FOXP1: variants seen among roughly 807,000 people sequenced by gnomAD.
FOXP1 encodes the protein forkhead box P1, also known as forkhead box protein P1.
In FOXP1, 15 loss-of-function variants were observed where a neutral mutation model predicts 98.2. That is an observed-to-expected ratio of 0.15 (90% confidence interval 0.10 to 0.24). The LOEUF (loss-of-function observed/expected upper bound fraction) is 0.24, where lower values mean the gene tolerates loss of function less well. Ranked by LOEUF, FOXP1 falls within the 10% of genes least tolerant of loss-of-function variation. FOXP1 has a pLI of 1.00. For missense variants in FOXP1, 633 were observed against 848.5 expected (o/e 0.75, Z 3.15); for synonymous variants, 371 against 314.5 (o/e 1.18, Z -1.90).
At chr3:71,087,731 C>T (rs1385049753) in intron 7 of FOXP1, among the ~76,000 whole-genome samples, 4 of 151,942 alleles carry the variant, frequency 2.6e-5, no homozygotes, top group Non-Finnish European at 4.4e-5. Context: ...TTTTATGACA[C>T]CTTATATGGG....
intron 2 of FOXP1, among the ~76,000 whole-genome samples, chr3:71,576,021 TA>T (rs1229619057): frequency 6.6e-6 from 1 of 152,216 alleles, no homozygotes; most frequent in East Asian, 1.9e-4. Context: ...TGTCCAAACA[TA>T]AAACTCAGAG....
intron 3 of FOXP1, among the ~76,000 whole-genome samples, chr3:71,414,603 A>C (rs1432314719): frequency 3.9e-5 from 6 of 152,232 alleles, no homozygotes; most frequent in African/African-American, 1.4e-4. Flanking sequence ...GCTCCAAGGG[A>C]TATTCTAACA....
chr3:71,357,167 C>T (rs912452726), intron 4 of FOXP1, among the ~76,000 whole-genome samples: 6 of 152,272 alleles, frequency 3.9e-5, no homozygotes, highest in East Asian at 1.9e-4. Flanking sequence ...GGTGTGAGTG[C>T]GTGCCACTAA....
At chr3:71,277,686 C>T (rs961856111) in intron 5 of FOXP1, among the ~76,000 whole-genome samples, 1 of 151,966 alleles carries the variant, frequency 6.6e-6, no homozygotes, top group African/African-American at 2.4e-5. Context: ...GTTGCTGCTT[C>T]GACATTGAAT....
intron 3 of FOXP1, among the ~76,000 whole-genome samples, chr3:71,363,060 T>C (rs1266070054): frequency 6.6e-6 from 1 of 152,184 alleles, no homozygotes; most frequent in Non-Finnish European, 1.5e-5. Flanking sequence ...TGATAAATTT[T>C]GTCCTTCATT....
chr3:71,367,961 C>T (rs1229661226), intron 3 of FOXP1, among the ~76,000 whole-genome samples: 1 of 152,030 alleles, frequency 6.6e-6, no homozygotes, highest in African/African-American at 2.4e-5. Context: ...CCTGTGAGAG[C>T]CAATCTGTTT....
chr3:71,439,464 T>C (rs1405588073), intron 3 of FOXP1, among the ~76,000 whole-genome samples: 1 of 152,158 alleles, frequency 6.6e-6, no homozygotes, highest in Non-Finnish European at 1.5e-5. Flanking sequence ...TACCACATGA[T>C]CCAGCATTTC....
At chr3:71,051,360 C>A (rs1336742487) in intron 9 of FOXP1, among the ~76,000 whole-genome samples, 4 of 152,178 alleles carry the variant, frequency 2.6e-5, no homozygotes, top group African/African-American at 9.7e-5. Context: ...TCCGGCTGCT[C>A]AACAGGACTC....
chr3:70,972,530 A>G, intron 18 of FOXP1, 25 bp downstream of exon 18: 1 of 1,614,190 alleles, frequency 6.2e-7, no homozygotes. Flanking sequence ...AGCTAGGCTA[A>G]GAAGTTCAAA....
intron 7 of FOXP1, among the ~76,000 whole-genome samples, chr3:71,093,196 G>C (rs2107615444): frequency 6.6e-6 from 1 of 151,018 alleles, no homozygotes; most frequent in East Asian, 2.0e-4. Flanking sequence ...AGAGGGTGCA[G>C]TGAGCCAAGA....
At chr3:71,057,034 G>A (rs960966912) in intron 7 of FOXP1, among the ~76,000 whole-genome samples, 1 of 152,128 alleles carries the variant, frequency 6.6e-6, no homozygotes, top group Non-Finnish European at 1.5e-5. Flanking sequence ...AAGAGTGATT[G>A]TAGCAGTCTT....
intron 7 of FOXP1, among the ~76,000 whole-genome samples, chr3:71,102,775 G>A (rs903410389): frequency 6.6e-6 from 1 of 152,154 alleles, no homozygotes; most frequent in Non-Finnish European, 1.5e-5. Flanking sequence ...TTCCCTGTTT[G>A]CGGGGCCCAG....
In FOXP1 at chr3:71,166,725, A is replaced by G. The variant is rs374717630; in HGVS notation, c.180+31477T>C. 3.3e-5 allele frequency among the ~76,000 whole-genome samples: 5 copies of G among 152,332 alleles called. 1 individual carries two copies. The highest frequency in any genetic ancestry group is 6.5e-5 in the Admixed American group (1 of 15,296). On this transcript the variant is annotated intron_variant, in intron 6 of 20. Transcript: ENST00000649528. ...GACTGCTGCAAAATAAACTACTTTT[A>G]CAACCAGAAAGCATTCTAAACACAC...
In FOXP1 at chr3:71,438,431, T is replaced by G. The variant is rs9837708; in HGVS notation, c.-168+54995A>C. Among the ~76,000 whole-genome samples, 6 of 152,210 alleles carry G rather than the reference T, an allele frequency of 3.9e-5. No individual in the cohort carries two copies. The East Asian group carries it at 1.2e-3, about 29-fold the overall frequency. ...AAGAGTAACCTGCTGTGGCATGAGT[T>G]CCTGTGCATTCCATTATCTCGGCTG... On this transcript the variant is annotated intron_variant, in intron 3 of 20. Coordinates refer to ENST00000649528, the MANE Select transcript of FOXP1 (RefSeq NM_001349338.3).
At chr3:71,325,693 G>C (rs902656665) in intron 4 of FOXP1, among the ~76,000 whole-genome samples, 1 of 151,604 alleles carries the variant, frequency 6.6e-6, no homozygotes, top group Non-Finnish European at 1.5e-5. Flanking sequence ...CACTATTTTA[G>C]AGGTGGGTCT....
chr3:71,526,742 C>A (rs988066965), intron 2 of FOXP1, among the ~76,000 whole-genome samples: 14 of 152,062 alleles, frequency 9.2e-5, no homozygotes, highest in Admixed American at 8.5e-4. Flanking sequence ...CCGAGGTGGG[C>A]GGATCACCCA....
intron 5 of FOXP1, among the ~76,000 whole-genome samples, chr3:71,277,105 C>G (rs898624736): frequency 4.6e-5 from 7 of 151,652 alleles, no homozygotes; most frequent in African/African-American, 1.7e-4. Context: ...AATACAGGCG[C>G]CCGCCACCAC....
Position 70,958,645 on chromosome 3 carries a change from A to AG in FOXP1, c.*601_*602insC. On this transcript the variant is annotated 3_prime_UTR_variant, in exon 21 of 21. Coordinates refer to ENST00000649528, the MANE Select transcript of FOXP1 (RefSeq NM_001349338.3). ...TATAGTAGAAGGAAAAAAAAAAAAAAAAAAAGCAATACATTAAAAAGTTTG... is the reference window on the plus strand; with the variant it reads ...TATAGTAGAAGGAAAAAAAAAAAAAAGAAAAAGCAATACATTAAAAAGTTTG... 4.5e-6 allele frequency: 1 copy of AG among 222,680 alleles called. No homozygotes were observed. The highest frequency in any genetic ancestry group is 6.4e-5 in the East Asian group (1 of 15,538). 13.8% of individuals were successfully genotyped at this position (222,680 alleles called of 1,614,324 possible).
At chr3:71,229,614 G>A (rs995651069) in intron 5 of FOXP1, among the ~76,000 whole-genome samples, 2 of 152,016 alleles carry the variant, frequency 1.3e-5, no homozygotes, top group Admixed American at 1.3e-4. Context: ...CAAAATCCAC[G>A]TATTTATTCA....
Sources: gnomAD v4.1 joint callset for allele counts (sites outside exome capture counted in the v4.1 genomes callset) on GRCh38, gnomAD v4.1.1 for gene constraint, MANE v1.5 for transcripts, NCBI Gene and HGNC (gene_info 2026-07-23, HGNC 2026-07-21) for gene names.